The following PGAP3 variants were observed in gnomAD, a reference collection of about 807,000 sequenced individuals.
PGAP3 encodes the protein GPI-specific phospholipase A2-like PGAP3.
Under a neutral mutation model 40.3 loss-of-function variants are expected in PGAP3, and 31 were observed. The ratio of observed to expected loss-of-function variants is 0.77; its 90% CI spans 0.58 to 1.04. PGAP3 has a LOEUF of 1.04. Among genes scored for constraint, PGAP3 ranks in the 50% least tolerant of loss-of-function variants. The probability of loss-of-function intolerance (pLI) is 0.00; values close to 1 mark genes in which losing one functional copy is unlikely to be tolerated. For missense variants in PGAP3, 413 were observed against 423.0 expected, an observed-to-expected ratio of 0.98 and a Z score of 0.21; for synonymous variants, 191 against 184.5, an observed-to-expected ratio of 1.04 and a Z score of -0.29.
At position 39,673,842 on chromosome 17, in the gene PGAP3, C is replaced by G. The variant is rs2057341301; in HGVS notation, c.557+151G>C. The G allele has an allele frequency of 4.1e-6, 5 of 1,212,332 alleles. No individual in the cohort carries two copies. The South Asian group carries it at 7.1e-5, about 17-fold the overall frequency. 75.1% of individuals were successfully genotyped at this position (1,212,332 alleles called of 1,614,324 possible). On this transcript the variant is annotated intron_variant, in intron 5 of 7. Transcript: ENST00000300658. Reference sequence around the variant, plus strand: ...GGAGCCAGGGCCCCCAGTCCTACCCCAGAGTCCTCACCCAGGACAGCTGAT... The same window carrying G: ...GGAGCCAGGGCCCCCAGTCCTACCCGAGAGTCCTCACCCAGGACAGCTGAT...
chr17:39,685,952 T>C lies in PGAP3; in HGVS notation c.249A>G (p.Glu83=), dbSNP rs2057506142. 1.2e-6 allele frequency: 2 copies of C among 1,613,484 alleles called. No homozygotes were observed. Among genetic ancestry groups the C allele is most frequent in the Non-Finnish European group, 8.5e-7 (1 of 1,179,550 alleles). ...CATGGAACTGAGGCACTTTGTGACC[T>C]TCCTGGAGGTAGAGCCCAACGGTGA... ...MWVTVGLYLQ[E]GHKVPQFHGK... is the part of the protein sequence containing the mutation. The change falls in exon 2 of 8, where the codon GAA becomes GAG. Residue 83 remains glutamate, a synonymous_variant. Transcript: ENST00000300658.
At chr17:39,675,607 T>C (rs577048966) in intron 3 of PGAP3, among the ~76,000 whole-genome samples, 12 of 152,140 alleles carry the variant, frequency 7.9e-5, no homozygotes, top group Non-Finnish European at 1.6e-4. Context: ...GGCCAGGAAC[T>C]GCTCAGTTGG....
chr17:39,684,679 G>C lies in PGAP3; in HGVS notation c.350C>G (p.Ala117Gly). ...GTAGCGGCAGAGCATCACCAGGCTG[G>C]CCAGGCCATTGAGAAACGAGGCCAC... The part of the protein sequence containing the change: ...SAVASFLNGL[A>G]SLVMLCRYRT... The change falls in exon 3 of 8, where the codon GCC becomes GGC. Residue 117 changes from alanine to glycine, a missense_variant. Coordinates refer to ENST00000300658, the MANE Select transcript of PGAP3 (RefSeq NM_033419.5). 6.2e-7 allele frequency: 1 copy of C among 1,614,008 alleles called. No homozygotes were observed. Among genetic ancestry groups the C allele is most frequent in the Non-Finnish European group, 8.5e-7 (1 of 1,179,932 alleles).
chr17:39,687,487 C>CT (rs1319172310), intron 1 of PGAP3, among the ~76,000 whole-genome samples: 1 of 152,238 alleles, frequency 6.6e-6, no homozygotes, highest in Non-Finnish European at 1.5e-5. Flanking sequence ...ATCAAAGAGT[C>CT]TTTCAGGGGC....
At position 39,688,031 on chromosome 17, in the gene PGAP3, G is replaced by C; in HGVS notation, c.-17C>G. ...GCCGGCCATCCTTTCTCCCTGGCTC[G>C]CCGCCGGGGGAGGAGCTTAGGAGTA... On this transcript the variant is annotated 5_prime_UTR_variant, in exon 1 of 8. Coordinates refer to ENST00000300658, the MANE Select transcript of PGAP3 (RefSeq NM_033419.5). 7.3e-7 allele frequency: 1 copy of C among 1,375,490 alleles called. No homozygotes were observed. The highest frequency in any genetic ancestry group is 9.5e-7 in the Non-Finnish European group (1 of 1,048,292). 85.2% of individuals were successfully genotyped at this position (1,375,490 alleles called of 1,614,324 possible). A position where few individuals can be genotyped will look rare whatever the true frequency, so the allele number is the denominator to read the frequency against.
At chr17:39,674,799 T>C (rs2057355030) in intron 3 of PGAP3, 120 bp from the exon 4 acceptor site, 1 of 1,010,870 alleles carries the variant, frequency 9.9e-7, no homozygotes, top group Non-Finnish European at 1.5e-6. Flanking sequence ...GAAATGTGCT[T>C]TTCCTGCCCC....
Position 39,673,251 on chromosome 17 carries a change from C to G in PGAP3, c.699G>C (p.Leu233=). 6.4e-7 allele frequency: 1 copy of G among 1,558,684 alleles called. No individual in the cohort carries two copies. The highest frequency in any genetic ancestry group is 2.4e-5 in the East Asian group (1 of 41,456). The change falls in exon 7 of 8, where the codon CTG becomes CTC. Residue 233 remains leucine, a synonymous_variant. Coordinates refer to ENST00000300658, the MANE Select transcript of PGAP3 (RefSeq NM_033419.5). ...YNLVANVAIG[L]VNVVWWLAWC... Reference sequence around the variant, plus strand: ...AGGCCAGCCACCACACCACGTTGACCAGGCCTGGGTGCCAGTGGGGGCAGG... The same window carrying G: ...AGGCCAGCCACCACACCACGTTGACGAGGCCTGGGTGCCAGTGGGGGCAGG...
chr17:39,678,983 C>T (rs2057407845), intron 3 of PGAP3, among the ~76,000 whole-genome samples: 1 of 152,106 alleles, frequency 6.6e-6, no homozygotes, highest in Admixed American at 6.6e-5. Context: ...GAGATGGAGT[C>T]TCGCCCAGTC....
At chr17:39,676,188 G>T (rs568759380) in intron 3 of PGAP3, among the ~76,000 whole-genome samples, 1 of 152,230 alleles carries the variant, frequency 6.6e-6, no homozygotes, top group African/African-American at 2.4e-5. Flanking sequence ...AGCATGGGGA[G>T]AGGAGCAGGC....
intron 3 of PGAP3, among the ~76,000 whole-genome samples, chr17:39,675,661 G>T (rs574222360): frequency 1.3e-5 from 2 of 152,340 alleles, no homozygotes; most frequent in Admixed American, 6.5e-5. Flanking sequence ...GACAGAGGGA[G>T]GGGGCAAGAA....
chr17:39,683,650 C>T (rs1035520022), intron 3 of PGAP3, among the ~76,000 whole-genome samples: 1 of 152,186 alleles, frequency 6.6e-6, no homozygotes, highest in Non-Finnish European at 1.5e-5. Flanking sequence ...TCCGTTGCAA[C>T]CTTTCATTCT....
chr17:39,674,038 C>G lies in PGAP3; in HGVS notation c.512G>C (p.Cys171Ser). 6.2e-7 allele frequency: 1 copy of G among 1,613,964 alleles called. No individual in the cohort carries two copies. Among genetic ancestry groups the G allele is most frequent in the Non-Finnish European group, 8.5e-7 (1 of 1,179,914 alleles). Reference protein sequence around the residue: ...TDLTEKMDYFCASTVILHSIY... With the variant: ...TDLTEKMDYFSASTVILHSIY... ...TGAGTGTAGGATGACAGTGGAGGCA[C>G]AGAAGTAGTCCATTTTCTGAGGACA... is the stretch of plus-strand genomic sequence containing the variant. The change falls in exon 5 of 8, where the codon TGT (cysteine) becomes TCT (serine). Residue 171 changes from cysteine to serine, a missense_variant. Coordinates refer to ENST00000300658, the MANE Select transcript of PGAP3 (RefSeq NM_033419.5).
intron 5 of PGAP3, 106 bp downstream of exon 5, chr17:39,673,887 G>A (rs1434387098): frequency 2.1e-5 from 29 of 1,371,596 alleles, no homozygotes; most frequent in African/African-American, 1.0e-4. Flanking sequence ...GTTGGGGGGC[G>A]TAGGTGTTGG....
intron 5 of PGAP3, 70 bp downstream of exon 5, chr17:39,673,923 G>A: frequency 1.3e-6 from 2 of 1,537,428 alleles, no homozygotes; most frequent in Non-Finnish European, 1.8e-6. Flanking sequence ...GGCCCCCAGG[G>A]GAAGGCTGGG....
At chr17:39,678,189 C>G (rs1197000635) in intron 3 of PGAP3, among the ~76,000 whole-genome samples, 2 of 152,200 alleles carry the variant, frequency 1.3e-5, no homozygotes, top group Non-Finnish European at 1.5e-5. Flanking sequence ...TGAAGTCTAA[C>G]CATCATTCTA....
At chr17:39,673,295 C>G in intron 6 of PGAP3, 40 bp from the exon 7 acceptor site, 1 of 1,554,644 alleles carries the variant, frequency 6.4e-7, no homozygotes, top group South Asian at 1.2e-5. Context: ...ATTCCTTCGG[C>G]TCCTTCTCCC....
chr17:39,674,719 C>A, intron 3 of PGAP3, 40 bp from the exon 4 acceptor site: 1 of 1,526,568 alleles, frequency 6.6e-7, no homozygotes, highest in African/African-American at 1.4e-5. Flanking sequence ...GCCCCCCACC[C>A]TGACCTCAAG....
intron 3 of PGAP3, among the ~76,000 whole-genome samples, chr17:39,680,323 T>C (rs2057424204): frequency 6.6e-6 from 1 of 152,198 alleles, no homozygotes; most frequent in Admixed American, 6.5e-5. Flanking sequence ...ATAAGGGTAC[T>C]ATGAGGATGA....
chr17:39,678,314 C>T (rs549663978), intron 3 of PGAP3, among the ~76,000 whole-genome samples: 1 of 152,336 alleles, frequency 6.6e-6, no homozygotes, highest in Non-Finnish European at 1.5e-5. Flanking sequence ...CCACTTCACC[C>T]TCCTCTCTAC....
Sources: allele counts gnomAD v4.1 joint callset (sites outside exome capture counted in the v4.1 genomes callset), GRCh38; gene constraint gnomAD v4.1.1; transcripts MANE v1.5; gene names NCBI Gene and HGNC (gene_info 2026-07-23, HGNC 2026-07-21).